CDH7: variants seen among roughly 807,000 people sequenced by gnomAD.
CDH7 encodes the protein cadherin 7.
CDH7 carries 25 observed loss-of-function variants against 71.8 expected under a neutral mutation model. The ratio of observed to expected loss-of-function variants is 0.35; its 90% CI spans 0.25 to 0.49. The LOEUF (loss-of-function observed/expected upper bound fraction) is 0.49. Among genes scored for constraint, CDH7 ranks in the 20% least tolerant of loss-of-function variants. CDH7 has a pLI of 0.99. For missense variants in CDH7, 862 were observed against 974.6 expected, an observed-to-expected ratio of 0.88 and a Z score of 1.54; for synonymous variants, 381 against 363.8, an observed-to-expected ratio of 1.05 and a Z score of -0.54.
intron 7 of CDH7, among the ~76,000 whole-genome samples, chr18:65,853,237 T>C (rs1219740922): frequency 6.6e-6 from 1 of 152,208 alleles, no homozygotes; most frequent in East Asian, 1.9e-4. Context: ...TAGTTAGTGG[T>C]GGTTCATGAC....
At chr18:65,853,042 G>A (rs1168604599) in intron 7 of CDH7, among the ~76,000 whole-genome samples, 1 of 152,156 alleles carries the variant, frequency 6.6e-6, no homozygotes, top group Non-Finnish European at 1.5e-5. Flanking sequence ...ATACAGAGCT[G>A]TCAGCATAAT....
chr18:65,813,120 G>A (rs895095397), intron 3 of CDH7, among the ~76,000 whole-genome samples: 1 of 152,134 alleles, frequency 6.6e-6, no homozygotes, highest in Non-Finnish European at 1.5e-5. Context: ...ATCATCTGAG[G>A]TCAGGAGTTC....
chr18:65,790,235 A>C (rs1910664234), intron 2 of CDH7, among the ~76,000 whole-genome samples: 1 of 150,744 alleles, frequency 6.6e-6, no homozygotes, highest in Non-Finnish European at 1.5e-5. Flanking sequence ...AAAAAAAAAA[A>C]AAAAAAAAGA....
At chr18:65,806,643 C>T (rs757600228) in intron 2 of CDH7, among the ~76,000 whole-genome samples, 1 of 150,394 alleles carries the variant, frequency 6.6e-6, no homozygotes, top group Non-Finnish European at 1.5e-5. Context: ...TAGTTATTCT[C>T]AAAGGTGTCC....
At position 65,881,445 on chromosome 18, in the gene CDH7, A is replaced by C. The variant is rs1914229017; in HGVS notation, c.*551A>C. 6.6e-6 allele frequency: 1 copy of C among 152,222 alleles called. No individual in the cohort carries two copies. Among genetic ancestry groups the C allele is most frequent in the Non-Finnish European group, 1.5e-5 (1 of 68,042 alleles). The allele number at this position is 152,222 out of a possible 1,614,324, so 9.4% of individuals were successfully genotyped here. On this transcript the variant is annotated 3_prime_UTR_variant, in exon 12 of 12. Transcript: ENST00000397968. ...AAATATTTTATTTAGGAATATATAA[A>C]TTCCCAGAAATTCCTTCCTAACTGA...
intron 2 of CDH7, among the ~76,000 whole-genome samples, chr18:65,771,808 A>G (rs1395702523): frequency 6.6e-6 from 1 of 152,082 alleles, no homozygotes; most frequent in Non-Finnish European, 1.5e-5. Flanking sequence ...TTGCCATGCA[A>G]ACGAAAAAAA....
chr18:65,877,369 C>G (rs1202918355), intron 11 of CDH7, among the ~76,000 whole-genome samples: 1 of 151,412 alleles, frequency 6.6e-6, no homozygotes, highest in African/African-American at 2.4e-5. Flanking sequence ...AATACATTTA[C>G]AATAGAATAT....
intron 2 of CDH7, among the ~76,000 whole-genome samples, chr18:65,799,473 C>A (rs954990663): frequency 2.0e-5 from 3 of 152,082 alleles, no homozygotes; most frequent in South Asian, 2.1e-4. Context: ...GTCAGGAGAT[C>A]GAGACCATCC....
intron 7 of CDH7, among the ~76,000 whole-genome samples, chr18:65,856,278 A>G (rs1161521193): frequency 6.6e-6 from 1 of 152,200 alleles, no homozygotes; most frequent in Non-Finnish European, 1.5e-5. Flanking sequence ...AAGATATATT[A>G]TTATTATGGT....
intron 7 of CDH7, among the ~76,000 whole-genome samples, chr18:65,854,778 T>A (rs1913289319): frequency 6.6e-6 from 1 of 152,160 alleles, no homozygotes; most frequent in Admixed American, 6.6e-5. Context: ...ATGTATGGGT[T>A]ATAATCTCAT....
At chr18:65,834,276 G>A (rs994650287) in intron 6 of CDH7, among the ~76,000 whole-genome samples, 1 of 152,162 alleles carries the variant, frequency 6.6e-6, no homozygotes, top group African/African-American at 2.4e-5. Context: ...GATGTTTGGT[G>A]CACTGTAATA....
chr18:65,762,143 G>A (rs959999669), intron 1 of CDH7, among the ~76,000 whole-genome samples: 10 of 152,108 alleles, frequency 6.6e-5, no homozygotes, highest in African/African-American at 2.4e-4. Flanking sequence ...AACCAGTTTT[G>A]CATCACCTCA....
At chr18:65,874,969 G>A (rs547338320) in intron 11 of CDH7, among the ~76,000 whole-genome samples, 11 of 152,254 alleles carry the variant, frequency 7.2e-5, no homozygotes, top group African/African-American at 2.6e-4. Flanking sequence ...TGTGGAGCAA[G>A]CTTGTTCAAC....
intron 11 of CDH7, among the ~76,000 whole-genome samples, chr18:65,872,154 A>G (rs1913945815): frequency 6.6e-6 from 1 of 152,212 alleles, no homozygotes; most frequent in East Asian, 1.9e-4. Context: ...AGTTCAAGAT[A>G]GCGGACCCAC....
intron 2 of CDH7, chr18:65,803,230 A>G (rs1911189634): frequency 6.6e-6 from 1 of 152,072 alleles, no homozygotes; most frequent in South Asian, 2.1e-4. Context: ...TTGACCTTCC[A>G]ATTGGGCCAC....
chr18:65,878,001 G>T lies in CDH7; in HGVS notation c.1865-2400G>T, dbSNP rs1020157493. ...TGCGGGGGCTTTGAAGACAGACTGA[G>T]ATGGAGTATGCCTCACCCCTCACTA... On this transcript the variant is annotated intron_variant, in intron 11 of 11. Coordinates refer to ENST00000397968, the MANE Select transcript of CDH7 (RefSeq NM_004361.5). Among the ~76,000 whole-genome samples the T allele has an allele frequency of 3.3e-5, 5 of 152,126 alleles. No individual in the cohort carries two copies. In the East Asian group the frequency reaches 5.8e-4, roughly 18 times the overall value.
chr18:65,759,224 C>A (rs1342320384), intron 1 of CDH7, among the ~76,000 whole-genome samples: 1 of 151,542 alleles, frequency 6.6e-6, no homozygotes, highest in Non-Finnish European at 1.5e-5. Flanking sequence ...CCTTAAATTT[C>A]TCTGCCCATT....
At chr18:65,823,374 T>G (rs1912008204) in intron 5 of CDH7, among the ~76,000 whole-genome samples, 1 of 151,946 alleles carries the variant, frequency 6.6e-6, no homozygotes, top group African/African-American at 2.4e-5. Flanking sequence ...CTTGGGCTTA[T>G]AATGAAATGA....
Position 65,885,030 on chromosome 18 carries a change from T to C in CDH7, c.*4136T>C, listed in dbSNP as rs1483299536. On this transcript the variant is annotated 3_prime_UTR_variant, in exon 12 of 12. Coordinates refer to ENST00000397968, the MANE Select transcript of CDH7 (RefSeq NM_004361.5). ...CTGTTAGTGTATGTTTATTTTTTAA[T>C]TATTAATAATGTATATTGTGTGTAT... 1 of 152,188 alleles carries C rather than the reference T, an allele frequency of 6.6e-6. No individual in the cohort carries two copies. The highest frequency in any genetic ancestry group is 1.9e-4 in the East Asian group (1 of 5,192). 9.4% of individuals were successfully genotyped at this position (152,188 alleles called of 1,614,324 possible). A position where few individuals can be genotyped will look rare whatever the true frequency, so the allele number is the denominator to read the frequency against.
Sources: allele counts gnomAD v4.1 joint callset (sites outside exome capture counted in the v4.1 genomes callset), GRCh38; gene constraint gnomAD v4.1.1; transcripts MANE v1.5; gene names NCBI Gene and HGNC (gene_info 2026-07-23, HGNC 2026-07-21).